Variants in RABEP1 observed in about 807,000 individuals in gnomAD.
RABEP1 encodes rabaptin, RAB GTPase binding effector protein 1.
RABEP1 carries 51 observed loss-of-function variants against 123.4 expected under a neutral mutation model. That is an observed-to-expected ratio of 0.41 (90% CI 0.33 to 0.52). The LOEUF (loss-of-function observed/expected upper bound fraction) is 0.52. RABEP1 is among the 20% of genes least tolerant of loss of function. The pLI is 0.16. For missense variants in RABEP1, 888 were observed against 996.3 expected, an observed-to-expected ratio of 0.89 and a Z score of 1.46; for synonymous variants, 347 against 355.2, an observed-to-expected ratio of 0.98 and a Z score of 0.26.
Position 5,374,507 on chromosome 17 carries a change from G to A in RABEP1, c.2025+1053G>A, listed in dbSNP as rs1343260993. Among the ~76,000 whole-genome samples the A allele has an allele frequency of 1.3e-5, 2 of 151,748 alleles. 1 individual carries two copies. Among genetic ancestry groups the A allele is most frequent in the African/African-American group, 4.9e-5 (2 of 41,176 alleles). On this transcript the variant is annotated intron_variant, in intron 13 of 17. Transcript: ENST00000537505. Reference sequence around the variant, plus strand: ...GCTGGAGTGCAGTGGTGTGATCTTGGCTCACTGCAACCTCCGCCTCCTGGG... The same window carrying A: ...GCTGGAGTGCAGTGGTGTGATCTTGACTCACTGCAACCTCCGCCTCCTGGG...
intron 1 of RABEP1, among the ~76,000 whole-genome samples, chr17:5,291,394 A>T (rs2075032057): frequency 6.6e-6 from 1 of 152,208 alleles, no homozygotes; most frequent in Non-Finnish European, 1.5e-5. Flanking sequence ...CCCGGGCGAC[A>T]GTGCGAGACT....
chr17:5,378,314 A>T lies in RABEP1; in HGVS notation c.2271+82A>T, dbSNP rs574237073. 1.0e-5 allele frequency: 14 copies of T among 1,341,492 alleles called. No individual in the cohort carries two copies. In the African/African-American group the frequency reaches 1.9e-4, roughly 18 times the overall value. 83.1% of individuals were successfully genotyped at this position (1,341,492 alleles called of 1,614,324 possible). A position where few individuals can be genotyped will look rare whatever the true frequency, so the allele number is the denominator to read the frequency against. ...CTACTATGCTGCACCCAACGAATAA[A>T]AAATAGTTAAGGCATGGGCCCTGCC... On this transcript the variant is annotated intron_variant, in intron 15 of 17. Transcript: ENST00000537505.
At chr17:5,288,753 G>C (rs1329171690) in intron 1 of RABEP1, among the ~76,000 whole-genome samples, 1 of 151,596 alleles carries the variant, frequency 6.6e-6, no homozygotes, top group Non-Finnish European at 1.5e-5. Flanking sequence ...GCCCAGGCTG[G>C]AGTGCAGTGG....
intron 1 of RABEP1, among the ~76,000 whole-genome samples, chr17:5,303,144 ATTTAC>A (rs2144504718): frequency 6.6e-6 from 1 of 152,238 alleles, no homozygotes; most frequent in Non-Finnish European, 1.5e-5. Flanking sequence ...TGTATAATGT[ATTTAC>A]TTAATATAAC....
intron 11 of RABEP1, among the ~76,000 whole-genome samples, chr17:5,367,460 G>T (rs181633627): frequency 6.6e-6 from 1 of 151,514 alleles, no homozygotes; most frequent in Non-Finnish European, 1.5e-5. Flanking sequence ...TAGTAGAGAC[G>T]GGGTTTCACC....
intron 2 of RABEP1, among the ~76,000 whole-genome samples, chr17:5,310,735 G>T (rs1430688122): frequency 1.3e-5 from 2 of 151,716 alleles, no homozygotes; most frequent in African/African-American, 4.8e-5. Flanking sequence ...CTTGCGTTGG[G>T]TTTTCTTCTT....
At chr17:5,354,212 G>T in intron 7 of RABEP1, 147 bp from the exon 8 acceptor site, 1 of 622,046 alleles carries the variant, frequency 1.6e-6, no homozygotes, top group Non-Finnish European at 2.6e-6. Context: ...GAGGCCCTTA[G>T]ATGGGATTAC....
intron 2 of RABEP1, among the ~76,000 whole-genome samples, chr17:5,325,114 A>T (rs888396989): frequency 1.3e-5 from 2 of 152,126 alleles, no homozygotes; most frequent in Admixed American, 6.5e-5. Flanking sequence ...GGAGTTCGAG[A>T]CCAGCCTGGG....
rs769540197 is a variant in RABEP1 at position 5,383,105 on chromosome 17, C to G, written c.2488-17C>G. On this transcript the variant is annotated splice_polypyrimidine_tract_variant and intron_variant, in intron 17 of 17. Coordinates refer to ENST00000537505, the MANE Select transcript of RABEP1 (RefSeq NM_004703.6). ...AGGCAGGAGCCACCTGTAGTTATCTCACCATTGTTTCTCCAGGTGCAGTTA... is the reference window on the plus strand; with the variant it reads ...AGGCAGGAGCCACCTGTAGTTATCTGACCATTGTTTCTCCAGGTGCAGTTA... 2 of 1,609,860 alleles carry G rather than the reference C, an allele frequency of 1.2e-6. No individual in the cohort carries two copies. The highest frequency in any genetic ancestry group is 1.7e-5 in the Admixed American group (1 of 60,018).
At chr17:5,357,865 A>G (rs1277900690) in intron 8 of RABEP1, among the ~76,000 whole-genome samples, 1 of 152,178 alleles carries the variant, frequency 6.6e-6, no homozygotes, top group Admixed American at 6.5e-5. Context: ...GGCCATAGCT[A>G]TTATTGTGGT....
intron 1 of RABEP1, among the ~76,000 whole-genome samples, chr17:5,308,318 C>T (rs1380100002): frequency 2.6e-5 from 4 of 151,796 alleles, no homozygotes; most frequent in African/African-American, 4.8e-5. Context: ...CTCCGCCTCC[C>T]GGGTTCAAGC....
chr17:5,337,900 T>C, intron 4 of RABEP1, 119 bp from the exon 5 acceptor site: 1 of 1,136,234 alleles, frequency 8.8e-7, no homozygotes, highest in Non-Finnish European at 1.2e-6. Context: ...TTTGCGAATA[T>C]TAATATAGTG....
At chr17:5,330,152 G>T (rs1359621531) in intron 2 of RABEP1, among the ~76,000 whole-genome samples, 1 of 152,144 alleles carries the variant, frequency 6.6e-6, no homozygotes, top group Non-Finnish European at 1.5e-5. Flanking sequence ...AGAATACAGA[G>T]TTGACACACA....
At chr17:5,367,067 C>T (rs1194067669) in intron 11 of RABEP1, among the ~76,000 whole-genome samples, 1 of 149,102 alleles carries the variant, frequency 6.7e-6, no homozygotes, top group Non-Finnish European at 1.5e-5. Flanking sequence ...CCCGCCTGGG[C>T]AACAAGAGTG....
At chr17:5,321,420 G>C (rs936392616) in intron 2 of RABEP1, among the ~76,000 whole-genome samples, 1 of 152,240 alleles carries the variant, frequency 6.6e-6, no homozygotes, top group Non-Finnish European at 1.5e-5. Flanking sequence ...TCCAGCCTGG[G>C]TGACAGAGCA....
chr17:5,299,675 T>C (rs999317923), intron 1 of RABEP1, among the ~76,000 whole-genome samples: 2 of 151,288 alleles, frequency 1.3e-5, no homozygotes, highest in African/African-American at 4.8e-5. Flanking sequence ...TACAGGGCTA[T>C]TCAAGCTGCT....
chr17:5,369,721 A>T (rs868742945), intron 12 of RABEP1, among the ~76,000 whole-genome samples: 3 of 148,724 alleles, frequency 2.0e-5, no homozygotes, highest in African/African-American at 7.5e-5. Flanking sequence ...CTTTTTTGAG[A>T]CAGAGTTCTG....
At chr17:5,334,477 C>T (rs1906866515) in intron 3 of RABEP1, among the ~76,000 whole-genome samples, 1 of 152,136 alleles carries the variant, frequency 6.6e-6, no homozygotes, top group African/African-American at 2.4e-5. Flanking sequence ...GGTGATCCAC[C>T]CGCCTCGGCC....
At chr17:5,319,597 C>A in intron 2 of RABEP1, among the ~76,000 whole-genome samples, 1 of 152,004 alleles carries the variant, frequency 6.6e-6, no homozygotes, top group Non-Finnish European at 1.5e-5. Context: ...GAACTCCTGA[C>A]CTCAATCTGC....
Sources: allele counts gnomAD v4.1 joint callset (sites outside exome capture counted in the v4.1 genomes callset), GRCh38; gene constraint gnomAD v4.1.1; transcripts MANE v1.5; gene names NCBI Gene and HGNC (gene_info 2026-07-23, HGNC 2026-07-21).